Variants in PTGER3 observed in about 807,000 individuals in gnomAD.
PTGER3 encodes prostaglandin E receptor 3.
PTGER3 carries 22 observed loss-of-function variants against 34.7 expected under a neutral mutation model. The ratio of observed to expected loss-of-function variants is 0.63; its 90% CI spans 0.45 to 0.91. The LOEUF (loss-of-function observed/expected upper bound fraction) is 0.91. Ranked by LOEUF, PTGER3 falls within the 40% of genes least tolerant of loss-of-function variation. PTGER3 has a pLI of 0.00. For synonymous variants in PTGER3, 241 were observed against 230.1 expected (o/e 1.05, Z -0.43); for missense variants, 468 against 519.4 (o/e 0.90, Z 0.96).
chr1:70,973,244 TAGATA>T (rs917853079), intron 3 of PTGER3, among the ~76,000 whole-genome samples: 3 of 150,380 alleles, frequency 2.0e-5, no homozygotes, highest in Admixed American at 1.3e-4. Context: ...GATAGATAGA[TAGATA>T]GATAGATAGA....
chr1:70,870,839 T>G (rs1576056), intron 4 of PTGER3, among the ~76,000 whole-genome samples: 52,624 of 152,058 alleles, frequency 0.35, 9,585 homozygotes, highest in Non-Finnish European at 0.4. Flanking sequence ...GCCTGGATTT[T>G]ATTGTCCATA....
chr1:71,035,610 T>C (rs959369143), intron 1 of PTGER3, among the ~76,000 whole-genome samples: 5 of 152,256 alleles, frequency 3.3e-5, no homozygotes, highest in Admixed American at 2.6e-4. Flanking sequence ...CAACCTTAAG[T>C]GGTCTTAAAA....
At chr1:70,860,787 T>C (rs1645911253) in intron 4 of PTGER3, among the ~76,000 whole-genome samples, 1 of 152,094 alleles carries the variant, frequency 6.6e-6, no homozygotes, top group Non-Finnish European at 1.5e-5. Flanking sequence ...AACAGAGACT[T>C]AGTACTATGG....
At chr1:70,967,434 T>A (rs1652644073), downstream of PTGER3, among the ~76,000 whole-genome samples, 1 of 152,156 alleles carries the variant, frequency 6.6e-6, no homozygotes, top group African/African-American at 2.4e-5. Flanking sequence ...AATACAGAAG[T>A]TTTTAAAAAT....
At chr1:70,871,127 G>T (rs912236178) in intron 4 of PTGER3, among the ~76,000 whole-genome samples, 21 of 152,128 alleles carry the variant, frequency 1.4e-4, no homozygotes, top group African/African-American at 4.6e-4. Flanking sequence ...TTGGTCCATG[G>T]TTCTGCAGGT....
rs553141459 is a variant in PTGER3, at chr1:70,928,200, T to A, written c.*23+25563A>T. Among the ~76,000 whole-genome samples, 4 of 148,894 alleles carry A rather than the reference T, an allele frequency of 2.7e-5. No individual in the cohort carries two copies. The South Asian group carries it at 8.4e-4, about 31-fold the overall frequency. On this transcript the variant is annotated intron_variant, in intron 4 of 4. Coordinates refer to the PTGER3 transcript ENST00000370931. ...ATATATTTATAGACATATATTTATA[T>A]ATATGTCTACATAAATGTGTGTAAG... is the stretch of plus-strand genomic sequence containing the variant.
At chr1:70,979,264 A>G (rs1388441525) in intron 2 of PTGER3, among the ~76,000 whole-genome samples, 1 of 151,904 alleles carries the variant, frequency 6.6e-6, no homozygotes, top group Non-Finnish European at 1.5e-5. Flanking sequence ...TTTATATGCA[A>G]TGTCTATAAG....
At chr1:70,957,761 T>A (rs575558771) in intron 2 of PTGER3, among the ~76,000 whole-genome samples, 1 of 152,176 alleles carries the variant, frequency 6.6e-6, no homozygotes, top group Non-Finnish European at 1.5e-5. Context: ...TTTTCTATAG[T>A]CACTGTATTG....
intron 4 of PTGER3, among the ~76,000 whole-genome samples, chr1:70,898,375 G>A (rs1317411032): frequency 6.6e-6 from 1 of 152,112 alleles, no homozygotes; most frequent in Non-Finnish European, 1.5e-5. Flanking sequence ...CATCTCTACA[G>A]ACATCACTCC....
At chr1:70,930,543 G>A (rs1261753305) in intron 4 of PTGER3, among the ~76,000 whole-genome samples, 1 of 152,136 alleles carries the variant, frequency 6.6e-6, no homozygotes, top group Non-Finnish European at 1.5e-5. Context: ...ACCTGAGTCT[G>A]GGAAGAAAAA....
intron 4 of PTGER3, among the ~76,000 whole-genome samples, chr1:70,867,073 C>T (rs527509151): frequency 4.6e-5 from 7 of 152,348 alleles, no homozygotes; most frequent in Non-Finnish European, 8.8e-5. Context: ...TACCACCACA[C>T]TGTCAATACA....
At chr1:70,920,843 A>C (rs1647451327) in intron 4 of PTGER3, among the ~76,000 whole-genome samples, 1 of 150,824 alleles carries the variant, frequency 6.6e-6, no homozygotes, top group African/African-American at 2.4e-5. Context: ...GGCAAGAAGC[A>C]CTAAAGAGGA....
intron 2 of PTGER3, chr1:71,010,738 T>A (rs995257839): frequency 8.1e-6 from 8 of 985,090 alleles, no homozygotes; most frequent in Non-Finnish European, 9.6e-6. Context: ...AGTAGAACCA[T>A]CATTAATTAC....
At chr1:71,007,184 T>C (rs971910631) in intron 2 of PTGER3, 8 of 985,652 alleles carry the variant, frequency 8.1e-6, no homozygotes, top group Admixed American at 6.2e-5. Context: ...CTTTACAATA[T>C]GGATTAAAGT....
chr1:70,952,896 T>C (rs752050823), exon 4 of PTGER3: 1 of 1,600,456 alleles, frequency 6.2e-7, no homozygotes, highest in South Asian at 1.1e-5. Flanking sequence ...CCTGTAGTTA[T>C]TTTCTTCATG....
intron 4 of PTGER3, among the ~76,000 whole-genome samples, chr1:70,869,857 CA>C (rs1034973676): frequency 9.2e-5 from 14 of 152,154 alleles, no homozygotes; most frequent in African/African-American, 2.7e-4. Context: ...GTTGGAGTTG[CA>C]TGTCTGTGGC....
intron 4 of PTGER3, among the ~76,000 whole-genome samples, chr1:70,932,183 A>G (rs1557665064): frequency 6.6e-6 from 1 of 152,142 alleles, no homozygotes; most frequent in Non-Finnish European, 1.5e-5. Context: ...GCGGTTCCCA[A>G]CAAGTTCCTC....
intron 1 of PTGER3, among the ~76,000 whole-genome samples, chr1:71,032,876 C>A (rs1659525304): frequency 6.6e-6 from 1 of 152,240 alleles, no homozygotes; most frequent in Admixed American, 6.5e-5. Flanking sequence ...TAACCAGAAC[C>A]CGTTTAGAAA....
intron 1 of PTGER3, among the ~76,000 whole-genome samples, chr1:71,040,063 G>A (rs904696366): frequency 2.7e-5 from 4 of 147,478 alleles, no homozygotes; most frequent in Non-Finnish European, 6.0e-5. Context: ...GAGAAAGAAA[G>A]AAAGAGAGGG....
Sources: gnomAD v4.1 joint callset for allele counts (sites outside exome capture counted in the v4.1 genomes callset) on GRCh38, gnomAD v4.1.1 for gene constraint, MANE v1.5 for transcripts, NCBI Gene and HGNC (gene_info 2026-07-23, HGNC 2026-07-21) for gene names.